Variants in CSRP1 observed in about 807,000 individuals in gnomAD.
The protein encoded by CSRP1 is cysteine and glycine-rich protein 1.
A neutral mutation model predicts 25.4 loss-of-function variants in CSRP1; 16 were observed. The ratio of observed to expected loss-of-function variants is 0.63; its 90% CI spans 0.43 to 0.96. The LOEUF (loss-of-function observed/expected upper bound fraction) is 0.96. Ranked by LOEUF, CSRP1 falls within the 40% of genes least tolerant of loss-of-function variation. The pLI is 0.00. For synonymous variants in CSRP1, 97 were observed against 95.3 expected (o/e 1.02, Z -0.10); for missense variants, 212 against 243.6 (o/e 0.87, Z 0.86).
intron 3 of CSRP1, 52 bp downstream of exon 3, chr1:201,490,124 A>G (rs1664286646): frequency 1.9e-6 from 3 of 1,564,992 alleles, no homozygotes; most frequent in Non-Finnish European, 2.6e-6. Flanking sequence ...GGCCTAATAC[A>G]GGGTGGGGGA....
At chr1:201,489,677 AGAG>A in intron 3 of CSRP1, 1 of 155,496 alleles carries the variant, frequency 6.4e-6, no homozygotes, top group Non-Finnish European at 1.4e-5. Flanking sequence ...ATCTATAAAA[AGAG>A]GAGGCAACAT....
chr1:201,506,902 C>T (rs1314750819), intron 1 of CSRP1, 168 bp downstream of exon 1: 1 of 152,302 alleles, frequency 6.6e-6, no homozygotes, highest in African/African-American at 2.4e-5. Context: ...GACCTAGTGC[C>T]TCCAGAAAAG....
In CSRP1 at chr1:201,501,251, T is replaced by C. The variant is rs190104173; in HGVS notation, c.-1-4947A>G. On this transcript the variant is annotated intron_variant, in intron 1 of 5. Transcript: ENST00000340006. ...GCTAGATGTGGGCCAGCCATCCACA[T>C]GTAGCTAGTCCACATATGGAAGGAG... 3.3e-5 allele frequency among the ~76,000 whole-genome samples: 5 copies of C among 152,292 alleles called. 1 individual carries two copies. Among genetic ancestry groups the C allele is most frequent in the African/African-American group, 1.2e-4 (5 of 41,564 alleles).
chr1:201,483,948 T>A lies in CSRP1; in HGVS notation c.*765A>T. 1 of 679,056 alleles carries A rather than the reference T, an allele frequency of 1.5e-6. No individual in the cohort carries two copies. Among genetic ancestry groups the A allele is most frequent in the South Asian group, 1.5e-5 (1 of 66,504 alleles). The allele number at this position is 679,056 out of a possible 1,614,324, so 42.1% of individuals were successfully genotyped here. On this transcript the variant is annotated 3_prime_UTR_variant, in exon 6 of 6. Transcript: ENST00000340006. ...GTTAAGGCCAGAGATAAATGAAGAT[T>A]TGAGCCATTGATAAATGCCAATATA...
chr1:201,484,515 A>G lies in CSRP1; in HGVS notation c.*198T>C. The G allele has an allele frequency of 1.7e-6, 1 of 599,384 alleles. No individual in the cohort carries two copies. Among genetic ancestry groups the G allele is most frequent in the Non-Finnish European group, 3.0e-6 (1 of 334,500 alleles). 37.1% of individuals were successfully genotyped at this position (599,384 alleles called of 1,614,324 possible). On this transcript the variant is annotated 3_prime_UTR_variant, in exon 6 of 6. Transcript: ENST00000340006. ...CCTACTGGTGATGGTGTCAGATCCC[A>G]GGCCTGGGGAGCCCTTTAGTGGGGT... is the stretch of plus-strand genomic sequence containing the variant.
intron 1 of CSRP1, among the ~76,000 whole-genome samples, chr1:201,506,309 A>C (rs3753987): frequency 6.6e-6 from 1 of 151,784 alleles, no homozygotes; most frequent in African/African-American, 2.4e-5. Flanking sequence ...GCCTGAGCCC[A>C]CTATTGCTCC....
intron 1 of CSRP1, among the ~76,000 whole-genome samples, chr1:201,500,331 G>T (rs760394090): frequency 6.6e-6 from 1 of 152,208 alleles, no homozygotes; most frequent in Non-Finnish European, 1.5e-5. Context: ...CCCTCTGGGG[G>T]AGACCCACAG....
At chr1:201,504,527 G>A (rs1194514520) in intron 1 of CSRP1, among the ~76,000 whole-genome samples, 5 of 152,276 alleles carry the variant, frequency 3.3e-5, no homozygotes, top group Admixed American at 6.5e-5. Context: ...AATATTTAAC[G>A]CATGTGTCTT....
chr1:201,500,510 G>C (rs953528026), intron 1 of CSRP1, among the ~76,000 whole-genome samples: 1 of 152,274 alleles, frequency 6.6e-6, no homozygotes, highest in African/African-American at 2.4e-5. Context: ...TTTTGAGCCT[G>C]GTCATTTAGT....
intron 2 of CSRP1, chr1:201,491,955 C>T (rs549821702): frequency 6.6e-6 from 1 of 152,238 alleles, no homozygotes; most frequent in South Asian, 2.1e-4. Flanking sequence ...AAATAAGGAC[C>T]CTCTTGTCCT....
intron 3 of CSRP1, 94 bp from the exon 4 acceptor site, chr1:201,489,078 C>G (rs940079311): frequency 1.3e-5 from 19 of 1,518,340 alleles, no homozygotes; most frequent in Non-Finnish European, 1.6e-5. Flanking sequence ...CATCTCATGC[C>G]AGAGCAGCGC....
chr1:201,492,051 A>G (rs1021877828), intron 2 of CSRP1: 3 of 152,266 alleles, frequency 2.0e-5, no homozygotes, highest in Admixed American at 1.3e-4. Context: ...CCAGCTCCCA[A>G]GAAGGAGGGA....
Position 201,496,229 on chromosome 1 carries a change from G to C in CSRP1, c.75C>G (p.Cys25Trp). Residue 25 changes from cysteine to tryptophan, a missense_variant, in exon 2 of 6, where the codon TGC becomes TGG. Transcript: ENST00000340006. The stretch of plus-strand genomic sequence containing the variant: ...AGGATTTATGGAAGCTGTTGCCTTC[G>C]CACTGAACCTCTTCGGCAAAGTAAA... ...KTVYFAEEVQCEGNSFHKSCF... is the reference protein window; with the variant it reads ...KTVYFAEEVQWEGNSFHKSCF... 6.2e-7 allele frequency: 1 copy of C among 1,614,122 alleles called. No homozygotes were observed. The highest frequency in any genetic ancestry group is 1.3e-5 in the African/African-American group (1 of 75,044).
chr1:201,488,473 G>A, intron 4 of CSRP1: 1 of 155,012 alleles, frequency 6.5e-6, no homozygotes, highest in Non-Finnish European at 1.4e-5. Context: ...TTTAATAAAA[G>A]CTATGGATCT....
At chr1:201,485,048 A>G (rs1664090903) in intron 5 of CSRP1, among the ~76,000 whole-genome samples, 1 of 151,932 alleles carries the variant, frequency 6.6e-6, no homozygotes, top group Non-Finnish European at 1.5e-5. Context: ...TTGGACTGGG[A>G]GTTAGGAAGC....
intron 1 of CSRP1, among the ~76,000 whole-genome samples, chr1:201,498,850 A>AGAGG (rs1664585644): frequency 6.6e-6 from 1 of 152,196 alleles, no homozygotes; most frequent in South Asian, 2.1e-4. Context: ...GTGCAGGCTG[A>AGAGG]GAGGCAGAGC....
intron 1 of CSRP1, among the ~76,000 whole-genome samples, chr1:201,502,595 C>T (rs685023): frequency 0.052 from 7,936 of 152,258 alleles, 232 homozygotes; most frequent in East Asian, 0.091. Flanking sequence ...CAGAACCGTG[C>T]ACATGACCCG....
chr1:201,493,858 A>G (rs1398028391), intron 2 of CSRP1, among the ~76,000 whole-genome samples: 1 of 152,174 alleles, frequency 6.6e-6, no homozygotes, highest in Non-Finnish European at 1.5e-5. Flanking sequence ...TGGAAAAGAG[A>G]AATGATGTGC....
chr1:201,485,599 T>C (rs1664110175), intron 4 of CSRP1: 4 of 548,948 alleles, frequency 7.3e-6, no homozygotes, highest in South Asian at 6.8e-5. Flanking sequence ...TATGTTGCAA[T>C]GGCCTGATGA....
Sources: gnomAD v4.1 joint callset for allele counts (sites outside exome capture counted in the v4.1 genomes callset) on GRCh38, gnomAD v4.1.1 for gene constraint, MANE v1.5 for transcripts, NCBI Gene and HGNC (gene_info 2026-07-23, HGNC 2026-07-21) for gene names.